The following CALN1 variants were observed in gnomAD, a reference collection of about 807,000 sequenced individuals.
CALN1 encodes calcium-binding protein 8.
A neutral mutation model predicts 30.6 loss-of-function variants in CALN1; 17 were observed. The observed-to-expected ratio is 0.56, with a 90% CI of 0.38 to 0.83. The LOEUF (loss-of-function observed/expected upper bound fraction) is 0.83. CALN1 is among the 40% of genes least tolerant of loss of function. The pLI is 0.00. For synonymous variants in CALN1, 156 were observed against 131.4 expected, an observed-to-expected ratio of 1.19 and a Z score of -1.28; for missense variants, 291 against 354.9, an observed-to-expected ratio of 0.82 and a Z score of 1.45.
intron 4 of CALN1, among the ~76,000 whole-genome samples, chr7:72,052,262 C>T (rs1277864625): frequency 6.6e-6 from 1 of 152,148 alleles, no homozygotes; most frequent in African/African-American, 2.4e-5. Flanking sequence ...AGTTAAGGGG[C>T]TGTGAATATA....
At chr7:72,074,616 C>T (rs1804612959) in intron 4 of CALN1, among the ~76,000 whole-genome samples, 1 of 152,160 alleles carries the variant, frequency 6.6e-6, no homozygotes, top group Non-Finnish European at 1.5e-5. Context: ...CCGTGTTGGC[C>T]AGGCTGGTCT....
At chr7:72,418,111 C>G (rs978585829) in intron 1 of CALN1, among the ~76,000 whole-genome samples, 6 of 151,884 alleles carry the variant, frequency 4.0e-5, no homozygotes, top group Admixed American at 3.9e-4. Context: ...ACCTTTGCCC[C>G]CCTCCCCCTC....
intron 6 of CALN1, among the ~76,000 whole-genome samples, chr7:71,802,056 G>A (rs1341313430): frequency 6.6e-6 from 1 of 151,970 alleles, no homozygotes; most frequent in African/African-American, 2.4e-5. Context: ...TAAATGACCA[G>A]CACTTGGCAG....
intron 2 of CALN1, among the ~76,000 whole-genome samples, chr7:72,341,472 G>C (rs1406109888): frequency 6.6e-6 from 1 of 152,204 alleles, no homozygotes; most frequent in African/African-American, 2.4e-5. Flanking sequence ...GCAGTGAGCC[G>C]AGATTGTGCT....
intron 5 of CALN1, among the ~76,000 whole-genome samples, chr7:72,018,634 C>T (rs948457420): frequency 6.6e-6 from 1 of 152,108 alleles, no homozygotes. Flanking sequence ...CCATCCTCCC[C>T]GGAAAGGAAG....
Position 71,876,565 on chromosome 7 carries a change from G to A in CALN1, c.502-66073C>T, listed in dbSNP as rs1584425168. 3.9e-5 allele frequency among the ~76,000 whole-genome samples: 6 copies of A among 152,270 alleles called. 1 individual carries two copies. The South Asian group carries it at 1.2e-3, about 32-fold the overall frequency. ...TCTTTTTATAAAAAATTCCATAAAT[G>A]AGGGTATAGAGCTAACTTTTATTGA... On this transcript the variant is annotated intron_variant, in intron 5 of 6. Transcript: ENST00000395275.
In CALN1 at chr7:71,902,253, CAACCAACCAACCAATCA is replaced by C. The variant is rs1201675751; in HGVS notation, c.502-91778_502-91762del. Among the ~76,000 whole-genome samples, 253 of 133,296 alleles carry C rather than the reference CAACCAACCAACCAATCA, an allele frequency of 1.9e-3. 1 individual carries two copies. The highest frequency in any genetic ancestry group is 7.3e-3 in the African/African-American group (240 of 32,790). 87.4% of individuals were successfully genotyped at this position (133,296 alleles called of 152,430 possible). On this transcript the variant is annotated intron_variant, in intron 5 of 6. Coordinates refer to ENST00000395275, the MANE Select transcript of CALN1 (RefSeq NM_031468.4). ...CCAACCAACCAACCAACCAACCAAC[CAACCAACCAACCAATCA>C]AAAAAAAAAAACATATAAATGGCCA...
intron 3 of CALN1, among the ~76,000 whole-genome samples, chr7:72,202,128 G>A (rs183401303): frequency 6.6e-6 from 1 of 151,920 alleles, no homozygotes; most frequent in African/African-American, 2.4e-5. Context: ...AGATAAAAAG[G>A]GATACAAGTA....
At chr7:72,172,695 G>A (rs532915822) in intron 3 of CALN1, among the ~76,000 whole-genome samples, 4 of 152,172 alleles carry the variant, frequency 2.6e-5, no homozygotes, top group East Asian at 3.9e-4. Flanking sequence ...AAATTCTTAC[G>A]ACCATTTCAA....
intron 2 of CALN1, among the ~76,000 whole-genome samples, chr7:72,333,533 A>G (rs1459570124): frequency 6.6e-6 from 1 of 152,178 alleles, no homozygotes; most frequent in East Asian, 1.9e-4. Context: ...ATAGCTTAAG[A>G]GTCAGAACTC....
intron 4 of CALN1, among the ~76,000 whole-genome samples, chr7:72,079,420 G>A (rs73701655): frequency 0.018 from 2,796 of 152,136 alleles, 86 homozygotes; most frequent in African/African-American, 0.064. Flanking sequence ...CTTGCTTTTG[G>A]CCACTTGCTT....
chr7:72,206,534 A>G (rs1321355853), intron 3 of CALN1, among the ~76,000 whole-genome samples: 2 of 152,144 alleles, frequency 1.3e-5, no homozygotes, highest in African/African-American at 4.8e-5. Flanking sequence ...TCAGTGCCTT[A>G]TCCTACAAGC....
At chr7:72,401,408 T>G (rs1164537303) in intron 2 of CALN1, among the ~76,000 whole-genome samples, 1 of 152,172 alleles carries the variant, frequency 6.6e-6, no homozygotes, top group East Asian at 1.9e-4. Context: ...CTCAGCCCAC[T>G]GCACAAAGAA....
intron 3 of CALN1, among the ~76,000 whole-genome samples, chr7:72,220,593 T>C (rs1470247178): frequency 9.9e-5 from 15 of 151,176 alleles, no homozygotes; most frequent in South Asian, 8.4e-4. Context: ...GGATTTCTAG[T>C]TCTAGATCCC....
intron 3 of CALN1, among the ~76,000 whole-genome samples, chr7:72,222,838 T>C (rs1385155605): frequency 1.3e-5 from 2 of 150,384 alleles, no homozygotes; most frequent in African/African-American, 4.9e-5. Context: ...CTGAGCAACA[T>C]AGTGAGATCC....
chr7:72,271,575 A>AAAAAAAAAATATATATATATATAT, intron 3 of CALN1, among the ~76,000 whole-genome samples: 8 of 52,112 alleles, frequency 1.5e-4, no homozygotes, highest in Non-Finnish European at 2.5e-4. Flanking sequence ...AAAAAAAAAA[A>AAAAAAAAAATATATATATATATAT]ATATATATAT....
intron 2 of CALN1, among the ~76,000 whole-genome samples, chr7:72,299,184 G>A (rs568624019): frequency 4.6e-5 from 7 of 152,166 alleles, no homozygotes; most frequent in Non-Finnish European, 1.0e-4. Context: ...TAGATAATCA[G>A]TAAAGTATAA....
chr7:72,137,970 T>C (rs1371405073), intron 3 of CALN1, among the ~76,000 whole-genome samples: 1 of 152,230 alleles, frequency 6.6e-6, no homozygotes, highest in Admixed American at 6.5e-5. Context: ...AGGATTTCTT[T>C]GTACTGTTCA....
At chr7:71,800,662 C>A (rs1323936782) in intron 6 of CALN1, among the ~76,000 whole-genome samples, 1 of 152,020 alleles carries the variant, frequency 6.6e-6, no homozygotes, top group Non-Finnish European at 1.5e-5. Context: ...AAAATGAGCA[C>A]GGGTGATGAA....
Sources: gnomAD v4.1 joint callset for allele counts (sites outside exome capture counted in the v4.1 genomes callset) on GRCh38, gnomAD v4.1.1 for gene constraint, MANE v1.5 for transcripts, NCBI Gene and HGNC (gene_info 2026-07-23, HGNC 2026-07-21) for gene names.